The following EXOC3L2 variants were observed in gnomAD, a reference collection of about 807,000 sequenced individuals.
EXOC3L2 encodes the protein exocyst complex component 3-like protein 2.
In EXOC3L2, 17 loss-of-function variants were observed where a neutral mutation model predicts 44.4. The ratio of observed to expected loss-of-function variants is 0.38; its 90% CI spans 0.26 to 0.57. The LOEUF (loss-of-function observed/expected upper bound fraction) is 0.57, where lower values mean the gene tolerates loss of function less well. EXOC3L2 is among the 20% of genes least tolerant of loss of function. The probability of loss-of-function intolerance (pLI) is 0.65; values close to 1 mark genes in which losing one functional copy is unlikely to be tolerated. For synonymous variants in EXOC3L2, 256 were observed against 253.7 expected (o/e 1.01, Z -0.09); for missense variants, 541 against 588.4 (o/e 0.92, Z 0.83).
intron 1 of EXOC3L2, among the ~76,000 whole-genome samples, chr19:45,242,581 G>A (rs1334188054): frequency 1.3e-5 from 2 of 151,390 alleles, no homozygotes; most frequent in African/African-American, 2.4e-5. Context: ...TAAAGAACAA[G>A]CCAGGCGCAG....
At chr19:45,213,437 A>AC in intron 11 of EXOC3L2, 80 bp from the exon 12 acceptor site, 1 of 1,532,718 alleles carries the variant, frequency 6.5e-7, no homozygotes, top group Admixed American at 2.1e-5. Context: ...ACCCCACCTG[A>AC]CCCCCTCACC....
Position 45,216,090 on chromosome 19 carries a change from G to T in EXOC3L2, c.2103C>A (p.Arg701=). The change falls in exon 11 of 12, where the codon CGC becomes CGA. Residue 701 remains arginine, a synonymous_variant. Transcript: ENST00000413988. ...SIQVEVGVLV[R]DYPDIRQKHV... ...TGTCTCACCTGATGTCTGGGTAGTC[G>T]CGCACCAACACTCCCACCTCCACCT... The T allele has an allele frequency of 6.2e-7, 1 of 1,613,836 alleles. No individual in the cohort carries two copies. The highest frequency in any genetic ancestry group is 2.2e-5 in the East Asian group (1 of 44,860).
rs757215478 is a variant in EXOC3L2 at position 45,231,887 on chromosome 19, G to A, written c.1158-13C>T. 1.2e-5 allele frequency: 19 copies of A among 1,563,030 alleles called. No individual in the cohort carries two copies. The South Asian group carries it at 1.5e-4, about 12-fold the overall frequency. On this transcript the variant is annotated splice_polypyrimidine_tract_variant and intron_variant, in intron 3 of 11. Transcript: ENST00000413988. The stretch of plus-strand genomic sequence containing the variant: ...CCCTAGGACCTCTCTGGGGATGGGG[G>A]TGAGAGAAAAGGAGGTCTGTGAAAA...
chr19:45,228,547 G>A (rs1027270281), intron 4 of EXOC3L2, among the ~76,000 whole-genome samples: 4 of 152,202 alleles, frequency 2.6e-5, no homozygotes, highest in Admixed American at 1.3e-4. Flanking sequence ...TGAGGTTGGC[G>A]GATCACCTAA....
chr19:45,213,311 T>C lies in EXOC3L2; in HGVS notation c.2167A>G (p.Thr723Ala). Residue 723 changes from threonine (T) to alanine (A), a missense_variant, in exon 12 of 12, where the codon ACA becomes GCA. Coordinates refer to ENST00000413988, the MANE Select transcript of EXOC3L2 (RefSeq NM_001382422.1). ...ALLDIRGLRN[T>A]AARQEILAVA... ...GCCAGGATCTCCTGGCGGGCGGCTG[T>C]GTTGCGCAGGCCACGGATGTCGAGG... The C allele has an allele frequency of 6.2e-7, 1 of 1,613,698 alleles. No individual in the cohort carries two copies. Among genetic ancestry groups the C allele is most frequent in the Non-Finnish European group, 8.5e-7 (1 of 1,179,858 alleles).
chr19:45,227,078 T>C (rs985760014), intron 7 of EXOC3L2, among the ~76,000 whole-genome samples: 4 of 147,808 alleles, frequency 2.7e-5, no homozygotes, highest in Non-Finnish European at 6.0e-5. Context: ...TTTTTTTTAG[T>C]TAAACTAATC....
chr19:45,227,091 A>C (rs776944434), intron 7 of EXOC3L2, among the ~76,000 whole-genome samples: 4 of 148,264 alleles, frequency 2.7e-5, no homozygotes, highest in Admixed American at 6.8e-5. Flanking sequence ...AACTAATCAA[A>C]AAGGATAAAA....
Position 45,234,721 on chromosome 19 carries a change from G to T in EXOC3L2, c.629C>A (p.Pro210His). ...EELAPSRGGAPGPPKAEGAGG... is the reference protein window; with the variant it reads ...EELAPSRGGAHGPPKAEGAGG... ...AGCGCCCTCGGCCTTGGGAGGCCCA[G>T]GCGCGCCGCCCCTCGACGGCGCCAG... The change falls in exon 3 of 12, where the codon CCT becomes CAT. Residue 210 changes from proline to histidine, a missense_variant. By Grantham distance (77) the Pro-to-His change is moderately conservative. Coordinates refer to ENST00000413988, the MANE Select transcript of EXOC3L2 (RefSeq NM_001382422.1). This position sits in a 1 kb window ranked among gnomAD's most constrained non-coding sequence, Gnocchi z 5.0. 2.5e-6 allele frequency: 1 copy of T among 392,338 alleles called. No individual in the cohort carries two copies. The highest frequency in any genetic ancestry group is 4.5e-6 in the Non-Finnish European group (1 of 221,968). 24.3% of individuals were successfully genotyped at this position (392,338 alleles called of 1,614,324 possible).
intron 8 of EXOC3L2, 60 bp downstream of exon 8, chr19:45,224,718 G>T: frequency 5.3e-6 from 8 of 1,517,354 alleles, no homozygotes; most frequent in South Asian, 1.3e-5. Flanking sequence ...GGAGGATGGT[G>T]GGGGGCAGCG....
At chr19:45,243,023 G>A (rs1383554535) in intron 1 of EXOC3L2, among the ~76,000 whole-genome samples, 1 of 152,044 alleles carries the variant, frequency 6.6e-6, no homozygotes, top group Non-Finnish European at 1.5e-5. Context: ...CCATAGACTT[G>A]TATCCAGAAA....
intron 1 of EXOC3L2, among the ~76,000 whole-genome samples, chr19:45,244,295 C>T (rs1038254451): frequency 5.9e-5 from 9 of 151,892 alleles, no homozygotes; most frequent in Non-Finnish European, 1.2e-4. Flanking sequence ...CCCCCTCCAC[C>T]CCATAACTGT....
chr19:45,222,986 C>T (rs1969914391), intron 8 of EXOC3L2, among the ~76,000 whole-genome samples: 1 of 152,156 alleles, frequency 6.6e-6, no homozygotes, highest in Non-Finnish European at 1.5e-5. Context: ...GGTGTGGTGG[C>T]TTACATCTGT....
At chr19:45,217,933 C>A (rs1969854518) in intron 9 of EXOC3L2, among the ~76,000 whole-genome samples, 1 of 152,088 alleles carries the variant, frequency 6.6e-6, no homozygotes, top group Admixed American at 6.6e-5. Context: ...TCTCCCCATT[C>A]CCCAAGCTCC....
In EXOC3L2 at chr19:45,213,385, T is replaced by C. The variant is rs192143624; in HGVS notation, c.2121-28A>G. 2.1e-5 allele frequency: 34 copies of C among 1,609,682 alleles called. No homozygotes were observed. In the East Asian group the frequency reaches 7.4e-4, roughly 35 times the overall value. On this transcript the variant is annotated intron_variant, in intron 11 of 11. Transcript: ENST00000413988. ...GTGGGGAGAGGAACAGACAGGTGCATGCAGATCCCCAGCTCTAGACACACA... is the reference window on the plus strand; with the variant it reads ...GTGGGGAGAGGAACAGACAGGTGCACGCAGATCCCCAGCTCTAGACACACA...
rs1020171871 is a variant in EXOC3L2, at chr19:45,234,178, C to T, written c.1157+15G>A. On this transcript the variant is annotated intron_variant, in intron 3 of 11. Transcript: ENST00000413988. This position sits in a 1 kb window ranked among gnomAD's most constrained non-coding sequence, Gnocchi z 5.0. ...GAGGGTTTCACGTGACCTTGGGCAA[C>T]TGAGTCCAGCTTACCTGGGGTAGAC... 1 of 396,046 alleles carries T rather than the reference C, an allele frequency of 2.5e-6. No individual in the cohort carries two copies. Among genetic ancestry groups the T allele is most frequent in the Non-Finnish European group, 4.5e-6 (1 of 224,392 alleles). 24.5% of individuals were successfully genotyped at this position (396,046 alleles called of 1,614,324 possible).
intron 4 of EXOC3L2, 25 bp from the exon 5 acceptor site, chr19:45,228,291 G>A: frequency 6.2e-7 from 1 of 1,609,676 alleles, no homozygotes; most frequent in Non-Finnish European, 8.5e-7. Context: ...GGGGAGACAG[G>A]CAGGAGTTGG....
chr19:45,238,383 G>C lies in EXOC3L2; in HGVS notation c.523+140C>G, dbSNP rs534095209. 2.5e-6 allele frequency: 1 copy of C among 398,812 alleles called. No individual in the cohort carries two copies. The highest frequency in any genetic ancestry group is 2.1e-5 in the African/African-American group (1 of 48,742). 24.7% of individuals were successfully genotyped at this position (398,812 alleles called of 1,614,324 possible). On this transcript the variant is annotated intron_variant, in intron 2 of 11. Transcript: ENST00000413988. This position sits in a 1 kb window ranked among gnomAD's most constrained non-coding sequence, Gnocchi z 5.5. The stretch of plus-strand genomic sequence containing the variant: ...GAGCTGGCATGGAGGTGGGAGATGT[G>C]AGTTAGACATGTGAATTGCAGGTCG...
At chr19:45,216,868 G>C (rs1969840778) in intron 10 of EXOC3L2, 1 of 152,022 alleles carries the variant, frequency 6.6e-6, no homozygotes, top group African/African-American at 2.4e-5. Context: ...TCCGGGCTTG[G>C]AACTCCAAGA....
In EXOC3L2 at chr19:45,238,125, C is replaced by CA. The variant is rs374617341; in HGVS notation, c.523+397dup. On this transcript the variant is annotated intron_variant, in intron 2 of 11. Coordinates refer to ENST00000413988, the MANE Select transcript of EXOC3L2 (RefSeq NM_001382422.1). This position sits in a 1 kb window ranked among gnomAD's most constrained non-coding sequence, Gnocchi z 5.5. The stretch of plus-strand genomic sequence containing the variant: ...TGCACTCCAGCCTGGGCGACAGAGG[C>CA]AAAAAAATAATAATAATAAAATAAA... 3.0e-3 allele frequency among the ~76,000 whole-genome samples: 451 copies of CA among 151,098 alleles called. 5 individuals are homozygous for CA. Among genetic ancestry groups the CA allele is most frequent in the African/African-American group, 0.011 (433 of 41,188 alleles).
Sources: allele counts gnomAD v4.1 joint callset (sites outside exome capture counted in the v4.1 genomes callset), GRCh38; gene constraint gnomAD v4.1.1; non-coding constraint Gnocchi (gnomAD v3.1); transcripts MANE v1.5; gene names NCBI Gene and HGNC (gene_info 2026-07-23, HGNC 2026-07-21).